Variants in ASTN2 observed in about 807,000 individuals in gnomAD.
ASTN2 encodes the protein astrotactin 2.
Under a neutral mutation model 139.8 loss-of-function variants are expected in ASTN2, and 54 were observed. That is an observed-to-expected ratio of 0.39 (90% CI 0.31 to 0.48). The LOEUF is 0.48. Among genes scored for constraint, ASTN2 ranks in the 20% least tolerant of loss-of-function variants. The pLI, the probability that ASTN2 is intolerant of heterozygous loss-of-function variation, is 0.95. For synonymous variants in ASTN2, 756 were observed against 719.5 expected (o/e 1.05, Z -0.81); for missense variants, 1,565 against 1,725.1 (o/e 0.91, Z 1.64).
chr9:116,924,460 A>C (rs1834701978), intron 10 of ASTN2, among the ~76,000 whole-genome samples: 1 of 148,904 alleles, frequency 6.7e-6, no homozygotes. Context: ...AAGAATGGCT[A>C]CTCCATTGGC....
chr9:117,271,574 A>C (rs1391138921), intron 2 of ASTN2, among the ~76,000 whole-genome samples: 4 of 152,286 alleles, frequency 2.6e-5, no homozygotes, highest in Non-Finnish European at 5.9e-5. Context: ...GAAACAAGGT[A>C]AGTCCCTTCC....
chr9:117,344,122 T>C (rs1829142985), intron 1 of ASTN2, among the ~76,000 whole-genome samples: 1 of 151,864 alleles, frequency 6.6e-6, no homozygotes, highest in Admixed American at 6.6e-5. Flanking sequence ...AGGAGATCTC[T>C]CCAGCACAGC....
At chr9:117,212,358 TGTAA>T (rs79900010) in intron 3 of ASTN2, among the ~76,000 whole-genome samples, 53,681 of 151,530 alleles carry the variant, frequency 0.35, 9,520 homozygotes, top group East Asian at 0.42. Context: ...AAAAAGATTT[TGTAA>T]GTAAGACCTT....
chr9:116,462,986 C>T (rs1848538357), intron 20 of ASTN2, among the ~76,000 whole-genome samples: 2 of 152,268 alleles, frequency 1.3e-5, no homozygotes, highest in East Asian at 1.9e-4. Flanking sequence ...TTCCTGTCAT[C>T]CTCCCCATCA....
rs1255074083 is a variant in ASTN2 at position 117,414,502 on chromosome 9, G to A, written c.437C>T (p.Thr146Ile). ...GTGCCGGCGCCCAGCCTTACCCAGGGTGAAGAAGGGCAGCTCGGTGTTGTC... is the reference window on the plus strand; with the variant it reads ...GTGCCGGCGCCCAGCCTTACCCAGGATGAAGAAGGGCAGCTCGGTGTTGTC... Reference protein sequence around the residue: ...DLDNTELPFFTLEMSGTAADI... With the variant: ...DLDNTELPFFILEMSGTAADI... The change falls in exon 1 of 23, where the codon ACC becomes ATC. Residue 146 changes from threonine (T) to isoleucine (I), a missense_variant. Around this residue, in one of 4 missense-constraint regions of ASTN2, gnomAD observed 596 missense variants for 576.8 expected, o/e 1.03. Transcript: ENST00000313400. This position sits in a 1 kb window ranked among gnomAD's most constrained non-coding sequence, Gnocchi z 4.2. The A allele has an allele frequency of 2.5e-6, 4 of 1,608,676 alleles. No homozygotes were observed. Among genetic ancestry groups the A allele is most frequent in the African/African-American group, 1.3e-5 (1 of 74,464 alleles).
At chr9:116,851,716 A>G (rs1287789301) in intron 11 of ASTN2, among the ~76,000 whole-genome samples, 1 of 152,192 alleles carries the variant, frequency 6.6e-6, no homozygotes, top group Non-Finnish European at 1.5e-5. Context: ...TACCTAAATA[A>G]GGCAACAACA....
At chr9:117,270,094 A>G (rs1300980584) in intron 2 of ASTN2, among the ~76,000 whole-genome samples, 2 of 152,222 alleles carry the variant, frequency 1.3e-5, no homozygotes, top group East Asian at 3.9e-4. Flanking sequence ...TCAGTGTCAC[A>G]TTACTAGCTG....
At chr9:116,730,168 C>T (rs1828739484) in intron 14 of ASTN2, among the ~76,000 whole-genome samples, 2 of 152,138 alleles carry the variant, frequency 1.3e-5, no homozygotes, top group East Asian at 3.8e-4. Flanking sequence ...TTTTATGTAT[C>T]CACACTTTCT....
rs565433664 is a variant in ASTN2 at position 117,229,327 on chromosome 9, C to T, written c.631-14585G>A. On this transcript the variant is annotated intron_variant, in intron 2 of 22. Coordinates refer to ENST00000313400, the MANE Select transcript of ASTN2 (RefSeq NM_001365068.1). ...GATCTTGCTGTCACACACAGGACTG[C>T]CCCAAGGTGGATCTCCAAGTCCTGC... 5.3e-5 allele frequency among the ~76,000 whole-genome samples: 8 copies of T among 152,300 alleles called. No homozygotes were observed. The East Asian group carries it at 9.7e-4, about 18-fold the overall frequency.
Position 116,460,466 on chromosome 9 carries a change from C to T in ASTN2, c.3498-17913G>A, listed in dbSNP as rs372478951. Among the ~76,000 whole-genome samples the T allele has an allele frequency of 5.3e-5, 8 of 152,182 alleles. No individual in the cohort carries two copies. In the East Asian group the frequency reaches 9.6e-4, roughly 18 times the overall value. On this transcript the variant is annotated intron_variant, in intron 20 of 22. Transcript: ENST00000313400. ...CAGTGGAGTCAGGAGGATCCTGCCT[C>T]GTTAATGATGGCATGGTTCTCCTTT...
chr9:116,740,576 G>T (rs111855294), intron 13 of ASTN2, among the ~76,000 whole-genome samples: 15,091 of 151,874 alleles, frequency 0.099, 841 homozygotes, highest in East Asian at 0.21. Flanking sequence ...GCAGTTGTGC[G>T]ATCTTGGCTC....
chr9:116,987,108 G>A (rs532639798), intron 7 of ASTN2, among the ~76,000 whole-genome samples: 8 of 152,324 alleles, frequency 5.3e-5, no homozygotes, highest in African/African-American at 1.9e-4. Flanking sequence ...TGACACTGTG[G>A]ATAGTACTGA....
In ASTN2 at chr9:116,565,387, C is replaced by A. The variant is rs1386709381; in HGVS notation, c.3355+52937G>T. Reference sequence around the variant, plus strand: ...TCTCTCTCTCTCTCTCTCTCTCTCTCCATATATATATATATATATATATAT... The same window carrying A: ...TCTCTCTCTCTCTCTCTCTCTCTCTACATATATATATATATATATATATAT... On this transcript the variant is annotated intron_variant, in intron 19 of 22. Transcript: ENST00000313400. 4.8e-4 allele frequency among the ~76,000 whole-genome samples: 20 copies of A among 42,092 alleles called. 2 individuals are homozygous for A. Among genetic ancestry groups the A allele is most frequent in the South Asian group, 1.0e-3 (1 of 954 alleles). The allele number at this position is 42,092 out of a possible 152,430, so 27.6% of individuals were successfully genotyped here.
intron 11 of ASTN2, among the ~76,000 whole-genome samples, chr9:116,823,722 G>A (rs1831549880): frequency 6.6e-6 from 1 of 152,158 alleles, no homozygotes; most frequent in South Asian, 2.1e-4. Context: ...CTGAGGATCA[G>A]AAAGGTGAGG....
intron 19 of ASTN2, chr9:116,612,398 C>A (rs1343339290): frequency 6.6e-6 from 1 of 152,198 alleles, no homozygotes; most frequent in Admixed American, 6.5e-5. Context: ...GAACTATCCA[C>A]CCCAATCAAC....
intron 3 of ASTN2, among the ~76,000 whole-genome samples, chr9:117,212,994 G>A (rs1172626328): frequency 3.3e-5 from 5 of 152,138 alleles, no homozygotes; most frequent in Non-Finnish European, 7.4e-5. Flanking sequence ...CATGCTTACT[G>A]CAGGATTATC....
chr9:117,141,980 C>A (rs1830085786), intron 3 of ASTN2, among the ~76,000 whole-genome samples: 1 of 152,106 alleles, frequency 6.6e-6, no homozygotes, highest in Non-Finnish European at 1.5e-5. Context: ...GTAAAGAAAG[C>A]AGGATCAGGG....
Position 117,229,276 on chromosome 9 carries a change from G to A in ASTN2, c.631-14534C>T, listed in dbSNP as rs553416428. Among the ~76,000 whole-genome samples the A allele has an allele frequency of 4.2e-4, 64 of 152,276 alleles. No individual in the cohort carries two copies. In the South Asian group the frequency reaches 0.012, roughly 30 times the overall value. Reference sequence around the variant, plus strand: ...TCCCCGCCCCCAAGCCCTACCATGAGTGCTGAACCTCGATCTGTTCCCTGA... The same window carrying A: ...TCCCCGCCCCCAAGCCCTACCATGAATGCTGAACCTCGATCTGTTCCCTGA... On this transcript the variant is annotated intron_variant, in intron 2 of 22. Coordinates refer to ENST00000313400, the MANE Select transcript of ASTN2 (RefSeq NM_001365068.1).
intron 1 of ASTN2, among the ~76,000 whole-genome samples, chr9:117,402,698 T>C (rs1254421834): frequency 2.6e-5 from 4 of 152,206 alleles, no homozygotes; most frequent in Admixed American, 2.6e-4. Context: ...TAAACAAGTA[T>C]TCATTATTTA....
Sources: allele counts gnomAD v4.1 joint callset (sites outside exome capture counted in the v4.1 genomes callset), GRCh38; gene constraint gnomAD v4.1.1; regional missense constraint gnomAD v4.1.1; non-coding constraint Gnocchi (gnomAD v3.1); transcripts MANE v1.5; gene names NCBI Gene and HGNC (gene_info 2026-07-23, HGNC 2026-07-21).